Variants in KSR2 observed in about 807,000 individuals in gnomAD.
The protein encoded by KSR2 is kinase suppressor of ras 2.
Under a neutral mutation model 107.8 loss-of-function variants are expected in KSR2, and 25 were observed. The observed-to-expected ratio is 0.23, with a 90% CI of 0.17 to 0.32. The LOEUF is 0.32. Ranked by LOEUF, KSR2 falls within the 10% of genes least tolerant of loss-of-function variation. The pLI, the probability that KSR2 is intolerant of heterozygous loss-of-function variation, is 1.00. For synonymous variants in KSR2, 480 were observed against 507.0 expected (o/e 0.95, Z 0.71); for missense variants, 887 against 1,268.9 (o/e 0.70, Z 4.57).
chr12:117,557,686 TTTTA>T (rs1284723055), intron 8 of KSR2, among the ~76,000 whole-genome samples: 2 of 152,210 alleles, frequency 1.3e-5, no homozygotes, highest in African/African-American at 2.4e-5. Flanking sequence ...AAATTTGTGT[TTTTA>T]TTTGATTTTA....
chr12:117,659,441 C>A (rs550583118), intron 5 of KSR2, among the ~76,000 whole-genome samples: 1 of 152,192 alleles, frequency 6.6e-6, no homozygotes, highest in Admixed American at 6.5e-5. Context: ...ATACAGCTCA[C>A]GTCCGCATGC....
At chr12:117,605,517 T>C (rs1171329099) in intron 5 of KSR2, among the ~76,000 whole-genome samples, 3 of 152,132 alleles carry the variant, frequency 2.0e-5, no homozygotes. Flanking sequence ...TAGCATGCAT[T>C]AGCTATTTTT....
At chr12:117,558,700 T>C (rs1225301160) in intron 7 of KSR2, 127 bp from the exon 8 acceptor site, 7 of 689,746 alleles carry the variant, frequency 1.0e-5, no homozygotes, top group African/African-American at 5.4e-5. Flanking sequence ...GATGGGTAGA[T>C]GGATGGGGGA....
chr12:117,938,706 A>G (rs1895917090), intron 1 of KSR2, among the ~76,000 whole-genome samples: 1 of 151,906 alleles, frequency 6.6e-6, no homozygotes, highest in South Asian at 2.1e-4. Flanking sequence ...GCCCATAATC[A>G]TGCCACTGCA....
Position 117,840,819 on chromosome 12 carries a change from G to A in KSR2, c.472+14609C>T, listed in dbSNP as rs188839419. 4.3e-3 allele frequency among the ~76,000 whole-genome samples: 658 copies of A among 152,022 alleles called. 3 individuals are homozygous for A. The Middle Eastern group carries it at 0.048, about 11-fold the overall frequency. On this transcript the variant is annotated intron_variant, in intron 3 of 19. Transcript: ENST00000339824. ...AGTTTGAGACCAACCTGGCCAACAT[G>A]GTGAAACCCCGTCTCTACTAAAAAT... is the stretch of plus-strand genomic sequence containing the variant.
intron 5 of KSR2, among the ~76,000 whole-genome samples, chr12:117,596,076 T>TCCCCTCCCCA (rs1880626993): frequency 9.2e-6 from 1 of 109,184 alleles, no homozygotes. Flanking sequence ...TCCCCTCCCC[T>TCCCCTCCCCA]CTGTTCTCAT....
intron 1 of KSR2, among the ~76,000 whole-genome samples, chr12:117,883,603 A>T (rs1049689393): frequency 6.6e-6 from 1 of 152,208 alleles, no homozygotes; most frequent in East Asian, 1.9e-4. Flanking sequence ...CAGGCACAGA[A>T]AGGTGTGCAA....
chr12:117,530,997 C>G lies in KSR2; in HGVS notation c.1746G>C (p.Pro582=), dbSNP rs746838223. ...QFIFPDVVPV[P]ETPTRAPQVI... is the part of the protein sequence containing the mutation. ...CCTGGGGCGCCCGGGTCGGCGTCTC[C>G]GGCACCGGCACCACATCTGAAAACC... Residue 582 remains proline (P), a synonymous_variant, in exon 12 of 20, where the codon CCG becomes CCC. Coordinates refer to ENST00000339824, the MANE Select transcript of KSR2 (RefSeq NM_173598.6). The G allele has an allele frequency of 6.2e-7, 1 of 1,613,334 alleles. No individual in the cohort carries two copies. The highest frequency in any genetic ancestry group is 1.1e-5 in the South Asian group (1 of 90,956).
intron 4 of KSR2, among the ~76,000 whole-genome samples, chr12:117,723,811 T>A (rs1354558): frequency 0.38 from 57,816 of 151,614 alleles, 11,196 homozygotes; most frequent in Middle Eastern, 0.49. Context: ...TATCATTTTT[T>A]AAAAAAATCT....
At chr12:117,716,467 G>A (rs1043710708) in intron 4 of KSR2, among the ~76,000 whole-genome samples, 68 of 152,126 alleles carry the variant, frequency 4.5e-4, no homozygotes, top group African/African-American at 1.5e-3. Flanking sequence ...ACTCCACATG[G>A]AAAAACATAA....
At chr12:117,664,776 T>C (rs1884589255) in intron 5 of KSR2, among the ~76,000 whole-genome samples, 2 of 152,108 alleles carry the variant, frequency 1.3e-5, no homozygotes, top group African/African-American at 4.8e-5. Flanking sequence ...AGGGACCCCA[T>C]GGACAAATTC....
In KSR2 at chr12:117,944,562, G is replaced by GA. The variant is rs960958365; in HGVS notation, c.180+23513dup. Among the ~76,000 whole-genome samples the GA allele has an allele frequency of 5.6e-4, 82 of 146,974 alleles. 1 individual carries two copies. In the East Asian group the frequency reaches 5.8e-3, roughly 10 times the overall value. The stretch of plus-strand genomic sequence containing the variant: ...ATGTTATCTCAGTTTGTAAAATCCT[G>GA]AAAAAAAAAATGGTCAGGTGCAGTG... On this transcript the variant is annotated intron_variant, in intron 1 of 19. Transcript: ENST00000339824.
In KSR2 at chr12:117,558,499, T is replaced by A; in HGVS notation, c.1393+7A>T. 2 of 1,613,522 alleles carry A rather than the reference T, an allele frequency of 1.2e-6. No individual in the cohort carries two copies. The highest frequency in any genetic ancestry group is 1.7e-4 in the Middle Eastern group (1 of 6,060). ...TGCCCCTAGGGCAGTAAGTGTTAAA[T>A]AGTTACCTCCTCGGTGGATGATCAG... On this transcript the variant is annotated splice_region_variant and intron_variant, in intron 8 of 19. Transcript: ENST00000339824.
At chr12:117,694,845 CTTT>C (rs34228762) in intron 4 of KSR2, among the ~76,000 whole-genome samples, 17 of 99,100 alleles carry the variant, frequency 1.7e-4, no homozygotes, top group East Asian at 6.5e-4. Context: ...TTGTATGATT[CTTT>C]TTTTTTTTTT....
intron 7 of KSR2, among the ~76,000 whole-genome samples, chr12:117,578,437 T>C (rs1879416771): frequency 6.6e-6 from 1 of 151,586 alleles, no homozygotes; most frequent in Non-Finnish European, 1.5e-5. Context: ...CTACTAAAAT[T>C]ACAACAACAA....
chr12:117,727,403 GAAGA>G (rs1484509583), intron 4 of KSR2, among the ~76,000 whole-genome samples: 1 of 151,184 alleles, frequency 6.6e-6, no homozygotes, highest in Non-Finnish European at 1.5e-5. Flanking sequence ...AGCAGAAAAA[GAAGA>G]AAGAAGAAGG....
chr12:117,771,761 C>T (rs181865713), intron 3 of KSR2, among the ~76,000 whole-genome samples: 4 of 152,278 alleles, frequency 2.6e-5, no homozygotes, highest in Non-Finnish European at 5.9e-5. Flanking sequence ...AACCTACACC[C>T]TCACTTTCCC....
At chr12:117,837,972 A>G (rs1367328574) in intron 3 of KSR2, among the ~76,000 whole-genome samples, 1 of 151,742 alleles carries the variant, frequency 6.6e-6, no homozygotes, top group Non-Finnish European at 1.5e-5. Context: ...ACATTTCTGA[A>G]TCCCATCAGG....
At position 117,785,293 on chromosome 12, in the gene KSR2, T is replaced by C. The variant is rs1013587007; in HGVS notation, c.473-23769A>G. Among the ~76,000 whole-genome samples the C allele has an allele frequency of 8.6e-5, 13 of 151,944 alleles. No individual in the cohort carries two copies. In the East Asian group the frequency reaches 2.5e-3, roughly 29 times the overall value. On this transcript the variant is annotated intron_variant, in intron 3 of 19. Coordinates refer to ENST00000339824, the MANE Select transcript of KSR2 (RefSeq NM_173598.6). Reference sequence around the variant, plus strand: ...AGCTGGGCATGGTGGCGGGTGCCTGTAGTCCCAGCTACTTGGGAGGTTAAG... The same window carrying C: ...AGCTGGGCATGGTGGCGGGTGCCTGCAGTCCCAGCTACTTGGGAGGTTAAG...
Sources: allele counts gnomAD v4.1 joint callset (sites outside exome capture counted in the v4.1 genomes callset), GRCh38; gene constraint gnomAD v4.1.1; transcripts MANE v1.5; gene names NCBI Gene and HGNC (gene_info 2026-07-23, HGNC 2026-07-21).